TNFSF4: variants seen among roughly 807,000 people sequenced by gnomAD.
TNFSF4 encodes TNF superfamily member 4, also known as tumor necrosis factor ligand superfamily member 4.
In TNFSF4, 4 loss-of-function variants were observed where a neutral mutation model predicts 7.3. That is an observed-to-expected ratio of 0.55 (90% CI 0.27 to 1.25). The LOEUF is 1.25. Among genes scored for constraint, TNFSF4 ranks in the 50% most tolerant of loss-of-function variants. The probability of loss-of-function intolerance (pLI) is 0.12; values close to 1 mark genes in which losing one functional copy is unlikely to be tolerated. For missense variants in TNFSF4, 181 were observed against 208.8 expected, an observed-to-expected ratio of 0.87 and a Z score of 0.82; for synonymous variants, 76 against 83.7, an observed-to-expected ratio of 0.91 and a Z score of 0.50.
chr1:173,378,811 C>T, the TNFSF4 span, among the ~76,000 whole-genome samples: 1 of 152,044 alleles, frequency 6.6e-6, no homozygotes, highest in Non-Finnish European at 1.5e-5. Context: ...TGATAAGCCT[C>T]CGCTAATCTC....
the TNFSF4 span, among the ~76,000 whole-genome samples, chr1:173,242,471 G>T: frequency 6.6e-6 from 1 of 152,188 alleles, no homozygotes; most frequent in Non-Finnish European, 1.5e-5. Flanking sequence ...TTGAGTAAAA[G>T]AATTAGAGTA....
At chr1:173,280,854 A>G in the TNFSF4 span, among the ~76,000 whole-genome samples, 14 of 152,234 alleles carry the variant, frequency 9.2e-5, no homozygotes, top group Non-Finnish European at 2.9e-5. Context: ...TCTTAGCCTA[A>G]CTTTAGAGAT....
chr1:173,436,096 C>T, the TNFSF4 span, among the ~76,000 whole-genome samples: 57 of 152,316 alleles, frequency 3.7e-4, no homozygotes, highest in African/African-American at 1.3e-3. Flanking sequence ...ACTCATGCCA[C>T]CTCTGAATTT....
At chr1:173,442,763 C>G in the TNFSF4 span, among the ~76,000 whole-genome samples, 1 of 151,968 alleles carries the variant, frequency 6.6e-6, no homozygotes, top group African/African-American at 2.4e-5. Flanking sequence ...GTTGGTCAGG[C>G]TGGTCTCGAA....
At chr1:173,251,759 A>G in the TNFSF4 span, among the ~76,000 whole-genome samples, 1 of 152,254 alleles carries the variant, frequency 6.6e-6, no homozygotes, top group African/African-American at 2.4e-5. Context: ...GAAATTGTCA[A>G]TAAGTGTTAG....
At chr1:173,250,850 T>A in the TNFSF4 span, among the ~76,000 whole-genome samples, 2 of 152,146 alleles carry the variant, frequency 1.3e-5, no homozygotes, top group African/African-American at 4.8e-5. Context: ...TAAGATCAAA[T>A]GTCTATTGAG....
the TNFSF4 span, among the ~76,000 whole-genome samples, chr1:173,401,338 T>C: frequency 6.6e-6 from 1 of 152,202 alleles, no homozygotes; most frequent in Non-Finnish European, 1.5e-5. Flanking sequence ...GGACTTGTGA[T>C]GGTTAATTTT....
chr1:173,298,856 A>G, the TNFSF4 span, among the ~76,000 whole-genome samples: 1 of 151,966 alleles, frequency 6.6e-6, no homozygotes, highest in African/African-American at 2.4e-5. Flanking sequence ...CAGAGATAAA[A>G]GAGTTTCAGA....
At chr1:173,175,392 A>C in the TNFSF4 span, 1 of 152,226 alleles carries the variant, frequency 6.6e-6, no homozygotes, top group African/African-American at 2.4e-5. Context: ...ATTTTTAACA[A>C]ATATTTGTTT....
the TNFSF4 span, among the ~76,000 whole-genome samples, chr1:173,316,032 T>C: frequency 6.6e-6 from 1 of 152,162 alleles, no homozygotes; most frequent in Non-Finnish European, 1.5e-5. Flanking sequence ...AGGTCCTGCA[T>C]TTAAGACTTT....
chr1:173,315,543 A>G, the TNFSF4 span, among the ~76,000 whole-genome samples: 1,714 of 152,240 alleles, frequency 0.011, 15 homozygotes, highest in Non-Finnish European at 0.018. Flanking sequence ...CTGCAACCAT[A>G]TGTGGAGGCA....
At chr1:173,226,959 G>T in the TNFSF4 span, among the ~76,000 whole-genome samples, 5 of 152,128 alleles carry the variant, frequency 3.3e-5, no homozygotes, top group Non-Finnish European at 7.4e-5. Flanking sequence ...TTCATTATTA[G>T]CCAGTTCATT....
At chr1:173,202,070 T>A (rs920200777) in intron 1 of TNFSF4, among the ~76,000 whole-genome samples, 4 of 149,564 alleles carry the variant, frequency 2.7e-5, no homozygotes, top group South Asian at 2.1e-4. Flanking sequence ...TATATATATA[T>A]ACACACACAC....
chr1:173,228,181 T>G, the TNFSF4 span, among the ~76,000 whole-genome samples: 1 of 151,930 alleles, frequency 6.6e-6, no homozygotes, highest in African/African-American at 2.4e-5. Flanking sequence ...CACCCCCGAG[T>G]AGGAGCAGAC....
At chr1:173,327,836 T>C in the TNFSF4 span, among the ~76,000 whole-genome samples, 1 of 152,010 alleles carries the variant, frequency 6.6e-6, no homozygotes, top group Non-Finnish European at 1.5e-5. Context: ...ATGGCGATCA[T>C]TAAAAAGTCA....
chr1:173,449,026 G>A, the TNFSF4 span, among the ~76,000 whole-genome samples: 1 of 152,198 alleles, frequency 6.6e-6, no homozygotes, highest in Non-Finnish European at 1.5e-5. Context: ...GGGGCCTGGT[G>A]GGAGGTGATT....
At chr1:173,358,210 G>A in the TNFSF4 span, among the ~76,000 whole-genome samples, 4 of 152,284 alleles carry the variant, frequency 2.6e-5, no homozygotes, top group South Asian at 8.3e-4. Context: ...CTTGAAGCTA[G>A]AAAAACACAA....
the TNFSF4 span, among the ~76,000 whole-genome samples, chr1:173,256,238 G>A: frequency 6.6e-6 from 1 of 152,118 alleles, no homozygotes; most frequent in African/African-American, 2.4e-5. Context: ...GGCTGCTAAA[G>A]CAAAATACCA....
At chr1:173,267,980 T>C in the TNFSF4 span, among the ~76,000 whole-genome samples, 6 of 152,000 alleles carry the variant, frequency 3.9e-5, no homozygotes, top group African/African-American at 1.2e-4. Context: ...TATGAAACCA[T>C]AGAGGTCACA....
Sources: gnomAD v4.1 joint callset for allele counts (sites outside exome capture counted in the v4.1 genomes callset) on GRCh38, gnomAD v4.1.1 for gene constraint, MANE v1.5 for transcripts, NCBI Gene and HGNC (gene_info 2026-07-23, HGNC 2026-07-21) for gene names.